The following ZNF469 variants were observed in gnomAD, a reference collection of about 807,000 sequenced individuals.
ZNF469 encodes zinc finger protein 469.
A neutral mutation model predicts 1.0 loss-of-function variants in ZNF469; 1 was observed. The observed-to-expected ratio is 1.00, with a 90% CI of 0.35 to 4.73. The LOEUF is 4.73. Among genes scored for constraint, ZNF469 ranks in the 30% most tolerant of loss-of-function variants. ZNF469 has a pLI of 0.16. For missense variants in ZNF469, 6,100 were observed against 5,356.3 expected, an observed-to-expected ratio of 1.14 and a Z score of -4.33; for synonymous variants, 2,703 against 2,363.4, an observed-to-expected ratio of 1.14 and a Z score of -4.17.
chr16:88,404,735 G>A (rs1904979961), intron 1 of ZNF469, among the ~76,000 whole-genome samples: 1 of 152,130 alleles, frequency 6.6e-6, no homozygotes, highest in African/African-American at 2.4e-5. Context: ...GTGGCATTAT[G>A]AGGAGAAAGG....
At chr16:88,172,825 T>C in the ZNF469 span, among the ~76,000 whole-genome samples, 16 of 152,170 alleles carry the variant, frequency 1.1e-4, no homozygotes, top group African/African-American at 3.9e-4. Flanking sequence ...AAATGAAAAA[T>C]ACACTGGATG....
chr16:88,119,219 C>G, the ZNF469 span, among the ~76,000 whole-genome samples: 3 of 152,188 alleles, frequency 2.0e-5, no homozygotes, highest in Non-Finnish European at 4.4e-5. Flanking sequence ...CCGAGGCGGT[C>G]TCACGGTTAG....
In ZNF469 at chr16:88,432,138, C is replaced by T; in HGVS notation, c.4668C>T (p.His1556=). Reference sequence around the variant, plus strand: ...GATGTAGCGTTGCTCTTATGAGTCACCTGTCCGAGGATGAACTGGAGATCC... The same window carrying T: ...GATGTAGCGTTGCTCTTATGAGTCATCTGTCCGAGGATGAACTGGAGATCC... ...GSGCSVALMS[H]LSEDELEIQK... is the part of the protein sequence containing the mutation. The change falls in exon 3 of 3, where the codon CAC becomes CAT. Residue 1556 remains histidine, a synonymous_variant. Transcript: ENST00000565624. 2 of 1,550,374 alleles carry T rather than the reference C, an allele frequency of 1.3e-6. No individual in the cohort carries two copies. Among genetic ancestry groups the T allele is most frequent in the Non-Finnish European group, 8.7e-7 (1 of 1,146,994 alleles).
the ZNF469 span, among the ~76,000 whole-genome samples, chr16:88,198,269 T>C: frequency 6.6e-6 from 1 of 152,156 alleles, no homozygotes; most frequent in South Asian, 2.1e-4. Context: ...GGGAGGGGCT[T>C]CTGTCTCAGA....
At chr16:88,385,362 C>T in intron 1 of ZNF469, among the ~76,000 whole-genome samples, 1 of 151,938 alleles carries the variant, frequency 6.6e-6, no homozygotes, top group East Asian at 1.9e-4. Flanking sequence ...AGTTACCAGC[C>T]GGGGATGGTG....
the ZNF469 span, chr16:88,195,148 A>G: frequency 1.3e-5 from 2 of 152,242 alleles, no homozygotes; most frequent in Non-Finnish European, 2.9e-5. Context: ...TGTTCTCAGA[A>G]TACAGCTGGC....
At chr16:88,332,266 G>A in the ZNF469 span, among the ~76,000 whole-genome samples, 2 of 152,228 alleles carry the variant, frequency 1.3e-5, no homozygotes, top group East Asian at 1.9e-4. Flanking sequence ...TAGGTATTAA[G>A]CGGGTCGGGT....
At chr16:88,289,716 G>A in the ZNF469 span, among the ~76,000 whole-genome samples, 1 of 152,216 alleles carries the variant, frequency 6.6e-6, no homozygotes. Flanking sequence ...AGGAGTGAAT[G>A]TGTTCCTAAG....
chr16:88,146,848 A>G, the ZNF469 span, among the ~76,000 whole-genome samples: 2 of 152,002 alleles, frequency 1.3e-5, no homozygotes, highest in Admixed American at 6.5e-5. Context: ...AACGTGACCA[A>G]CGGGTGGACT....
the ZNF469 span, among the ~76,000 whole-genome samples, chr16:88,289,372 A>ATGATGG: frequency 6.6e-6 from 1 of 151,672 alleles, no homozygotes; most frequent in Non-Finnish European, 1.5e-5. Context: ...GATGATGGTG[A>ATGATGG]TGATGGTGAT....
the ZNF469 span, among the ~76,000 whole-genome samples, chr16:88,106,249 C>T: frequency 2.0e-5 from 3 of 152,180 alleles, no homozygotes; most frequent in African/African-American, 7.2e-5. Flanking sequence ...TGTGACGGCC[C>T]CTCCTCTTCC....
At chr16:88,283,915 A>T in the ZNF469 span, among the ~76,000 whole-genome samples, 1 of 124,812 alleles carries the variant, frequency 8.0e-6, no homozygotes, top group Non-Finnish European at 1.6e-5. Flanking sequence ...GTAGACCCCC[A>T]GTGTGCCCGA....
intron 1 of ZNF469, among the ~76,000 whole-genome samples, chr16:88,397,710 C>T (rs899774638): frequency 1.2e-4 from 16 of 132,410 alleles, no homozygotes; most frequent in South Asian, 2.2e-4. Context: ...GATATATACG[C>T]GAGGAAAGAG....
chr16:88,204,167 G>A, the ZNF469 span, among the ~76,000 whole-genome samples: 166 of 147,912 alleles, frequency 1.1e-3, no homozygotes, highest in Middle Eastern at 0.011. Context: ...GAGGCGCCCC[G>A]TAACCCCACA....
chr16:88,279,887 A>G, the ZNF469 span, among the ~76,000 whole-genome samples: 5,553 of 58,382 alleles, frequency 0.095, 671 homozygotes, highest in Non-Finnish European at 0.11. Flanking sequence ...ATCAGTGCAC[A>G]GTTAGTGCTG....
the ZNF469 span, among the ~76,000 whole-genome samples, chr16:88,204,358 G>A: frequency 6.6e-6 from 1 of 152,208 alleles, no homozygotes; most frequent in Non-Finnish European, 1.5e-5. Flanking sequence ...GGCCTTGTCT[G>A]TTTTTCTGGG....
At chr16:88,190,323 G>T in the ZNF469 span, among the ~76,000 whole-genome samples, 1 of 152,254 alleles carries the variant, frequency 6.6e-6, no homozygotes, top group Admixed American at 6.5e-5. Context: ...GCACTTGCCT[G>T]GGTAGTGGCT....
At chr16:88,123,770 G>A in the ZNF469 span, among the ~76,000 whole-genome samples, 1 of 152,010 alleles carries the variant, frequency 6.6e-6, no homozygotes, top group East Asian at 1.9e-4. Flanking sequence ...ATACCTCTTT[G>A]CAATCTGTGA....
At chr16:88,154,567 G>T in the ZNF469 span, among the ~76,000 whole-genome samples, 2 of 152,206 alleles carry the variant, frequency 1.3e-5, no homozygotes, top group African/African-American at 2.4e-5. Context: ...TTGAAGCCTC[G>T]CTGGCCTCCA....
Sources: gnomAD v4.1 joint callset for allele counts (sites outside exome capture counted in the v4.1 genomes callset) on GRCh38, gnomAD v4.1.1 for gene constraint, MANE v1.5 for transcripts, NCBI Gene and HGNC (gene_info 2026-07-23, HGNC 2026-07-21) for gene names.